Variants in TRANK1 observed in about 807,000 individuals in gnomAD.
TRANK1 encodes the protein tetratricopeptide repeat and ankyrin repeat containing 1, also known as TPR and ankyrin repeat-containing protein 1.
In TRANK1, 198 loss-of-function variants were observed where a neutral mutation model predicts 266.0. The ratio of observed to expected loss-of-function variants is 0.74; its 90% confidence interval spans 0.66 to 0.84. The LOEUF (loss-of-function observed/expected upper bound fraction) is 0.84, where lower values mean the gene tolerates loss of function less well. Among genes scored for constraint, TRANK1 ranks in the 40% least tolerant of loss-of-function variants. The pLI is 0.00. For missense variants in TRANK1, 3,326 were observed against 3,634.6 expected, an observed-to-expected ratio of 0.92 and a Z score of 2.18; for synonymous variants, 1,396 against 1,384.1, an observed-to-expected ratio of 1.01 and a Z score of -0.19.
chr3:36,895,303 C>T (rs1003927604), intron 5 of TRANK1, among the ~76,000 whole-genome samples: 14 of 152,066 alleles, frequency 9.2e-5, no homozygotes, highest in Non-Finnish European at 1.8e-4. Context: ...ATAGGTCATC[C>T]GGGAACACAC....
At chr3:36,925,860 A>G (rs966234496) in intron 1 of TRANK1, among the ~76,000 whole-genome samples, 1 of 152,214 alleles carries the variant, frequency 6.6e-6, no homozygotes, top group Non-Finnish European at 1.5e-5. Context: ...TTGGGATTAC[A>G]GACATGAGCC....
At chr3:36,874,538 C>A (rs2079358075) in intron 8 of TRANK1, among the ~76,000 whole-genome samples, 1 of 152,106 alleles carries the variant, frequency 6.6e-6, no homozygotes, top group Non-Finnish European at 1.5e-5. Context: ...TCCTCTCTAC[C>A]TTTCTCCCCT....
intron 7 of TRANK1, among the ~76,000 whole-genome samples, chr3:36,891,282 G>A (rs2079691186): frequency 6.6e-6 from 1 of 152,184 alleles, no homozygotes; most frequent in African/African-American, 2.4e-5. Context: ...AAAGGCTGCA[G>A]TGAGCCAATA....
At chr3:36,939,895 T>TC (rs2080472834) in intron 1 of TRANK1, among the ~76,000 whole-genome samples, 1 of 151,978 alleles carries the variant, frequency 6.6e-6, no homozygotes, top group African/African-American at 2.4e-5. Flanking sequence ...TTGTTCACTT[T>TC]TTTTTTTTCT....
intron 8 of TRANK1, among the ~76,000 whole-genome samples, chr3:36,886,545 C>G (rs2079608606): frequency 6.6e-6 from 1 of 152,140 alleles, no homozygotes; most frequent in Non-Finnish European, 1.5e-5. Flanking sequence ...CTATAGAGCA[C>G]TTGAAATGCA....
In TRANK1 at chr3:36,899,214, A is replaced by G; in HGVS notation, c.328T>C (p.Tyr110His). ...TCAAAAAACATGCGAGCGGCTTCGTAAGGCTGGTGCAACCTCAGCAAGGAA... is the reference window on the plus strand; with the variant it reads ...TCAAAAAACATGCGAGCGGCTTCGTGAGGCTGGTGCAACCTCAGCAAGGAA... ...GYSLLRLHQPYEAARMFFEGL... is the reference protein window; with the variant it reads ...GYSLLRLHQPHEAARMFFEGL... Residue 110 changes from tyrosine to histidine, a missense_variant, in exon 4 of 24, where the codon TAC (tyrosine) becomes CAC (histidine). Tyr to His is a moderately conservative substitution (Grantham distance 83, BLOSUM62 2). Coordinates refer to ENST00000645898, the MANE Select transcript of TRANK1 (RefSeq NM_001329998.2). The G allele has an allele frequency of 6.5e-7, 1 of 1,537,304 alleles. No individual in the cohort carries two copies. Among genetic ancestry groups the G allele is most frequent in the Non-Finnish European group, 8.7e-7 (1 of 1,146,926 alleles).
At chr3:36,938,244 A>G (rs924352098) in intron 1 of TRANK1, among the ~76,000 whole-genome samples, 3 of 151,524 alleles carry the variant, frequency 2.0e-5, no homozygotes, top group African/African-American at 7.3e-5. Context: ...TTTGAGAGGG[A>G]GTCTCTCTCT....
chr3:36,851,739 T>C lies in TRANK1; in HGVS notation c.4867A>G (p.Asn1623Asp). ...CATACCTCAGAATCAGTAAAAAAGTTGTAAAGGAGGACATCATCAAATTCT... is the reference window on the plus strand; with the variant it reads ...CATACCTCAGAATCAGTAAAAAAGTCGTAAAGGAGGACATCATCAAATTCT... The part of the protein sequence containing the change: ...GLEFDDVLLY[N>D]FFTDSEAYKE... Residue 1623 changes from asparagine to aspartate, a missense_variant, in exon 15 of 24, where the codon AAC (asparagine) becomes GAC (aspartate). By Grantham distance (23) the Asn-to-Asp change is conservative. Coordinates refer to ENST00000645898, the MANE Select transcript of TRANK1 (RefSeq NM_001329998.2). 6.2e-7 allele frequency: 1 copy of C among 1,612,812 alleles called. No individual in the cohort carries two copies. The highest frequency in any genetic ancestry group is 1.1e-5 in the South Asian group (1 of 90,688).
chr3:36,869,849 G>C (rs1033508573), intron 9 of TRANK1, among the ~76,000 whole-genome samples: 1 of 152,208 alleles, frequency 6.6e-6, no homozygotes, highest in Non-Finnish European at 1.5e-5. Context: ...TGTGACGAGT[G>C]GCTATCATAT....
chr3:36,833,817 A>G lies in TRANK1; in HGVS notation c.5766T>C (p.Asn1922=). 1 of 1,613,938 alleles carries G rather than the reference A, an allele frequency of 6.2e-7. No homozygotes were observed. Among genetic ancestry groups the G allele is most frequent in the Non-Finnish European group, 8.5e-7 (1 of 1,179,886 alleles). ...LEAAAKYLSA[N]KMKEMMAVLS... is the part of the protein sequence containing the mutation. ...GGACAGCCATCATTTCCTTCATCTT[A>G]TTTGCACTCAGATACTTTGCTGCAG... The change falls in exon 22 of 24, where the codon AAT becomes AAC. Residue 1922 remains asparagine (N), a synonymous_variant. Transcript: ENST00000645898.
intron 5 of TRANK1, among the ~76,000 whole-genome samples, chr3:36,893,740 A>T (rs1193383752): frequency 6.6e-6 from 1 of 152,186 alleles, no homozygotes; most frequent in African/African-American, 2.4e-5. Flanking sequence ...AGATCTAAGA[A>T]TTCCCGGCTC....
In TRANK1 at chr3:36,908,670, G is replaced by T. The variant is rs999578228; in HGVS notation, c.24-216C>A. ...CAGTTCTTTTCTGTTCTCAAGGGTG[G>T]CCAGACCAATTCCATTTATTCAGCA... On this transcript the variant is annotated intron_variant, in intron 1 of 23. Transcript: ENST00000645898. The T allele has an allele frequency of 1.7e-5, 17 of 976,712 alleles. No homozygotes were observed. The African/African-American group carries it at 3.0e-4, about 17-fold the overall frequency. The allele number at this position is 976,712 out of a possible 1,614,324, so 60.5% of individuals were successfully genotyped here.
chr3:36,843,294 G>A (rs952789586), intron 17 of TRANK1, among the ~76,000 whole-genome samples: 1 of 152,032 alleles, frequency 6.6e-6, no homozygotes, highest in East Asian at 1.9e-4. Flanking sequence ...TTAAGTTTTG[G>A]TCTACTTTCC....
intron 8 of TRANK1, 25 bp downstream of exon 8, chr3:36,889,804 C>G: frequency 6.6e-7 from 1 of 1,521,500 alleles, no homozygotes; most frequent in Non-Finnish European, 8.8e-7. Context: ...CCACAGCGCA[C>G]CCTCTGGGTA....
Position 36,896,491 on chromosome 3 carries a change from A to G in TRANK1, c.434-733T>C, listed in dbSNP as rs536867392. 6.6e-5 allele frequency among the ~76,000 whole-genome samples: 10 copies of G among 152,370 alleles called. 1 individual carries two copies. In the South Asian group the frequency reaches 2.1e-3, roughly 32 times the overall value. On this transcript the variant is annotated intron_variant, in intron 4 of 23. Coordinates refer to ENST00000645898, the MANE Select transcript of TRANK1 (RefSeq NM_001329998.2). Reference sequence around the variant, plus strand: ...TAAATATGTTTTTCAAAATTTAGAAACTGGGCGACGCCAATTTCTTTACCT... The same window carrying G: ...TAAATATGTTTTTCAAAATTTAGAAGCTGGGCGACGCCAATTTCTTTACCT...
intron 1 of TRANK1, among the ~76,000 whole-genome samples, chr3:36,919,214 T>C (rs1203861570): frequency 6.6e-6 from 1 of 152,226 alleles, no homozygotes; most frequent in Admixed American, 6.5e-5. Context: ...TGTTCAGCTA[T>C]GATTTTTATA....
chr3:36,929,844 C>T (rs1054776873), intron 1 of TRANK1, among the ~76,000 whole-genome samples: 22 of 152,164 alleles, frequency 1.4e-4, no homozygotes, highest in Non-Finnish European at 1.5e-4. Context: ...CAGAGTCAGA[C>T]AGGCTCATGG....
Position 36,829,597 on chromosome 3 carries a change from A to C in TRANK1, c.8776T>G (p.Leu2926Val). 1 of 1,613,922 alleles carries C rather than the reference A, an allele frequency of 6.2e-7. No individual in the cohort carries two copies. Among genetic ancestry groups the C allele is most frequent in the Non-Finnish European group, 8.5e-7 (1 of 1,179,860 alleles). Reference sequence around the variant, plus strand: ...TTTAAGCGGGTCTCTGTTTTCATCAACCAGTCTCGTGCATCCCTGACTGAC... The same window carrying C: ...TTTAAGCGGGTCTCTGTTTTCATCACCCAGTCTCGTGCATCCCTGACTGAC... ...ILSVRDARDW[L>V]MKTETRLKKE... The change falls in exon 23 of 24, where the codon TTG becomes GTG. Residue 2926 changes from leucine (L) to valine (V), a missense_variant. Coordinates refer to ENST00000645898, the MANE Select transcript of TRANK1 (RefSeq NM_001329998.2).
chr3:36,850,291 A>T, intron 15 of TRANK1: 4 of 985,464 alleles, frequency 4.1e-6, no homozygotes, highest in Non-Finnish European at 4.8e-6. Context: ...ATTTAACAGG[A>T]AAGGAATGTA....
Sources: gnomAD v4.1 joint callset for allele counts (sites outside exome capture counted in the v4.1 genomes callset) on GRCh38, gnomAD v4.1.1 for gene constraint, MANE v1.5 for transcripts, NCBI Gene and HGNC (gene_info 2026-07-23, HGNC 2026-07-21) for gene names.